The following ERLEC1 variants were observed in gnomAD, a reference collection of about 807,000 sequenced individuals.
ERLEC1 encodes the protein endoplasmic reticulum lectin 1.
A neutral mutation model predicts 68.0 loss-of-function variants in ERLEC1; 47 were observed. The ratio of observed to expected loss-of-function variants is 0.69; its 90% CI spans 0.55 to 0.88. ERLEC1 has a LOEUF of 0.88. ERLEC1 is among the 40% of genes least tolerant of loss of function. The pLI, the probability that ERLEC1 is intolerant of heterozygous loss-of-function variation, is 0.00. For synonymous variants in ERLEC1, 225 were observed against 203.2 expected, an observed-to-expected ratio of 1.11 and a Z score of -0.91; for missense variants, 567 against 583.8, an observed-to-expected ratio of 0.97 and a Z score of 0.30.
intron 3 of ERLEC1, among the ~76,000 whole-genome samples, chr2:53,796,892 T>TC (rs1675738378): frequency 7.0e-6 from 1 of 141,968 alleles, no homozygotes; most frequent in African/African-American, 2.7e-5. Context: ...TCTTTTTCTT[T>TC]TTTTTTTTTT....
At chr2:53,797,925 G>C (rs185120774) in intron 5 of ERLEC1, 130 bp downstream of exon 5, 1 of 804,860 alleles carries the variant, frequency 1.2e-6, no homozygotes, top group African/African-American at 1.7e-5. Flanking sequence ...GGCTGGGCGC[G>C]GTGGCTGACG....
intron 9 of ERLEC1, among the ~76,000 whole-genome samples, chr2:53,808,689 C>CACA (rs1558603664): frequency 5.9e-5 from 9 of 152,272 alleles, no homozygotes; most frequent in Admixed American, 5.9e-4. Context: ...GACCTTTTGT[C>CACA]TGGCAATCAT....
chr2:53,808,615 C>A (rs1676426830), intron 9 of ERLEC1, among the ~76,000 whole-genome samples, 155 bp downstream of exon 9: 2 of 152,124 alleles, frequency 1.3e-5, no homozygotes, highest in Admixed American at 1.3e-4. Context: ...AGTCTCATAC[C>A]CCCACGTTTC....
chr2:53,804,250 TTTG>T (rs767508463), intron 8 of ERLEC1, among the ~76,000 whole-genome samples: 19 of 152,168 alleles, frequency 1.2e-4, no homozygotes, highest in South Asian at 6.2e-4. Context: ...CATATACTCT[TTTG>T]TTGTTGTTGT....
rs1677007336 is a variant in ERLEC1 at position 53,818,302 on chromosome 2, T to C, written c.*333T>C. 1 of 171,334 alleles carries C rather than the reference T, an allele frequency of 5.8e-6. No homozygotes were observed. 10.6% of individuals were successfully genotyped at this position (171,334 alleles called of 1,614,324 possible). On this transcript the variant is annotated 3_prime_UTR_variant, in exon 14 of 14. Transcript: ENST00000185150. ...ATAATTGTTGTACCTATTGAAAGTT[T>C]TTAAATAATAGATTTATTATGTAAA... is the stretch of plus-strand genomic sequence containing the variant.
chr2:53,797,867 A>G (rs1374144935), intron 5 of ERLEC1, 72 bp downstream of exon 5: 3 of 1,353,932 alleles, frequency 2.2e-6, no homozygotes, highest in Non-Finnish European at 2.1e-6. Flanking sequence ...AATGGAATTT[A>G]CGAGATTTTT....
intron 10 of ERLEC1, among the ~76,000 whole-genome samples, chr2:53,810,473 G>A (rs1433831974): frequency 6.6e-6 from 1 of 152,100 alleles, no homozygotes; most frequent in Non-Finnish European, 1.5e-5. Context: ...TTCCAATTCT[G>A]TTATTTGTCC....
Position 53,818,041 on chromosome 2 carries a change from A to G in ERLEC1, c.*72A>G, listed in dbSNP as rs1008129090. The G allele has an allele frequency of 5.9e-6, 6 of 1,015,658 alleles. No individual in the cohort carries two copies. The highest frequency in any genetic ancestry group is 3.5e-5 in the Admixed American group (2 of 57,930). The allele number at this position is 1,015,658 out of a possible 1,614,324, so 62.9% of individuals were successfully genotyped here. A position where few individuals can be genotyped will look rare whatever the true frequency, so the allele number is the denominator to read the frequency against. On this transcript the variant is annotated 3_prime_UTR_variant, in exon 14 of 14. Transcript: ENST00000185150. The stretch of plus-strand genomic sequence containing the variant: ...AATTTCTGTCCCACTGTGTCTCATT[A>G]TAGAGTTCTCAGCCATTGGACCTCT...
At chr2:53,794,761 TCTC>T (rs1675596808) in intron 2 of ERLEC1, among the ~76,000 whole-genome samples, 2 of 152,108 alleles carry the variant, frequency 1.3e-5, no homozygotes. Context: ...TTCAAGAAAT[TCTC>T]CTGTCTCAGC....
chr2:53,793,772 T>G (rs1347832360), intron 1 of ERLEC1, among the ~76,000 whole-genome samples: 4 of 152,170 alleles, frequency 2.6e-5, no homozygotes, highest in African/African-American at 9.7e-5. Flanking sequence ...CTCCAAACAT[T>G]ATTTTGTTCA....
rs760893913 is a variant in ERLEC1 at position 53,798,671 on chromosome 2, C to T, written c.491-376C>T. 4.6e-5 allele frequency among the ~76,000 whole-genome samples: 7 copies of T among 151,404 alleles called. No individual in the cohort carries two copies. The South Asian group carries it at 1.5e-3, about 32-fold the overall frequency. Reference sequence around the variant, plus strand: ...AGTGTTATATATAAGTGTTAGTCTTCTGCTTGGCTTAAGCAAAGTTATTAT... The same window carrying T: ...AGTGTTATATATAAGTGTTAGTCTTTTGCTTGGCTTAAGCAAAGTTATTAT... On this transcript the variant is annotated intron_variant, in intron 5 of 13. Transcript: ENST00000185150.
intron 3 of ERLEC1, among the ~76,000 whole-genome samples, chr2:53,796,246 G>GTTTTTTTTT (rs200295316): frequency 1.6e-5 from 2 of 126,466 alleles, no homozygotes; most frequent in African/African-American, 2.9e-5. Context: ...TGATGGGTTG[G>GTTTTTTTTT]TTTTTTTTTT....
At chr2:53,814,148 C>A (rs1471998385) in intron 11 of ERLEC1, among the ~76,000 whole-genome samples, 1 of 152,056 alleles carries the variant, frequency 6.6e-6, no homozygotes, top group African/African-American at 2.4e-5. Context: ...CAGTGCCTAA[C>A]GAACAGTATT....
At chr2:53,788,962 T>C (rs1675235502) in intron 1 of ERLEC1, among the ~76,000 whole-genome samples, 1 of 152,150 alleles carries the variant, frequency 6.6e-6, no homozygotes, top group South Asian at 2.1e-4. Flanking sequence ...CTTGCTGATA[T>C]GCAGCCCTGA....
chr2:53,789,667 A>G (rs1017045841), intron 1 of ERLEC1, among the ~76,000 whole-genome samples: 3 of 151,984 alleles, frequency 2.0e-5, no homozygotes, highest in African/African-American at 7.2e-5. Context: ...AGTCATTATC[A>G]TTGGTCTTTT....
intron 13 of ERLEC1, 62 bp from the exon 14 acceptor site, chr2:53,817,836 A>G: frequency 1.1e-6 from 1 of 921,140 alleles, no homozygotes; most frequent in Admixed American, 1.7e-5. Flanking sequence ...TCCATTCAGC[A>G]GAATAGTACT....
intron 2 of ERLEC1, among the ~76,000 whole-genome samples, chr2:53,794,995 C>T (rs1573069866): frequency 1.3e-5 from 2 of 150,878 alleles, no homozygotes; most frequent in Non-Finnish European, 2.9e-5. Flanking sequence ...TAACTCCACA[C>T]TTGCTTTCTT....
rs1677029674 is a variant in ERLEC1, at chr2:53,818,748, A to G, written c.*779A>G. 3 of 152,240 alleles carry G rather than the reference A, an allele frequency of 2.0e-5. No individual in the cohort carries two copies. The South Asian group carries it at 6.2e-4, about 31-fold the overall frequency. 9.4% of individuals were successfully genotyped at this position (152,240 alleles called of 1,614,324 possible). A position where few individuals can be genotyped will look rare whatever the true frequency, so the allele number is the denominator to read the frequency against. On this transcript the variant is annotated 3_prime_UTR_variant, in exon 14 of 14. Transcript: ENST00000185150. ...TGTAATATGGATTTCACTTCTGAAC[A>G]GTTTACAGCACAATATTTATTTTAA... is the stretch of plus-strand genomic sequence containing the variant.
intron 8 of ERLEC1, among the ~76,000 whole-genome samples, chr2:53,803,018 AG>A (rs2104308134): frequency 6.6e-6 from 1 of 152,340 alleles, no homozygotes; most frequent in Non-Finnish European, 1.5e-5. Flanking sequence ...TTTGGAAATG[AG>A]CCAAAACTTC....
Sources: allele counts gnomAD v4.1 joint callset (sites outside exome capture counted in the v4.1 genomes callset), GRCh38; gene constraint gnomAD v4.1.1; transcripts MANE v1.5; gene names NCBI Gene and HGNC (gene_info 2026-07-23, HGNC 2026-07-21).